The following PCDHA1 variants were observed in gnomAD, a reference collection of about 807,000 sequenced individuals.
The protein encoded by PCDHA1 is protocadherin alpha 1.
A neutral mutation model predicts 61.3 loss-of-function variants in PCDHA1; 42 were observed. The observed-to-expected ratio is 0.69, with a 90% CI of 0.54 to 0.89. The LOEUF (loss-of-function observed/expected upper bound fraction) is 0.89. Among genes scored for constraint, PCDHA1 ranks in the 40% least tolerant of loss-of-function variants. The probability of loss-of-function intolerance (pLI) is 0.00; values close to 1 mark genes in which losing one functional copy is unlikely to be tolerated. For synonymous variants in PCDHA1, 610 were observed against 553.8 expected (o/e 1.10, Z -1.43); for missense variants, 1,256 against 1,235.3 (o/e 1.02, Z -0.25).
intron 1 of PCDHA1, among the ~76,000 whole-genome samples, chr5:140,977,142 T>C (rs781987643): frequency 6.6e-6 from 1 of 152,236 alleles, no homozygotes; most frequent in Non-Finnish European, 1.5e-5. Context: ...TCAGTCCTGC[T>C]GGAACTGTGC....
chr5:140,870,933 G>T, intron 1 of PCDHA1: 1 of 1,613,802 alleles, frequency 6.2e-7, no homozygotes, highest in Non-Finnish European at 8.5e-7. Flanking sequence ...CATATGAATT[G>T]CAGCCGGCGG....
rs543030376 is a variant in PCDHA1, at chr5:140,961,758, G to A, written c.2395-17191G>A. 3.3e-5 allele frequency among the ~76,000 whole-genome samples: 5 copies of A among 152,240 alleles called. No individual in the cohort carries two copies. In the South Asian group the frequency reaches 8.3e-4, roughly 25 times the overall value. On this transcript the variant is annotated intron_variant, in intron 1 of 3. Coordinates refer to ENST00000504120, the MANE Select transcript of PCDHA1 (RefSeq NM_018900.4). ...CTTTAGTAATATTACAGTTTTGAAG[G>A]AATTTATATCAAGCTTAATGGCACT...
chr5:140,955,889 G>A (rs246016), intron 1 of PCDHA1, among the ~76,000 whole-genome samples: 85,633 of 151,918 alleles, frequency 0.56, 24,754 homozygotes, highest in African/African-American at 0.69. Flanking sequence ...ATTCCTAGGT[G>A]TTTTATTCTC....
intron 1 of PCDHA1, chr5:140,803,625 C>G: frequency 6.2e-7 from 1 of 1,613,858 alleles, no homozygotes; most frequent in Non-Finnish European, 8.5e-7. Flanking sequence ...TCCAAAATGT[C>G]TTTGTTTTTC....
chr5:140,878,784 C>T (rs2057723762), intron 1 of PCDHA1, among the ~76,000 whole-genome samples: 1 of 152,156 alleles, frequency 6.6e-6, no homozygotes, highest in Non-Finnish European at 1.5e-5. Flanking sequence ...AGTATATGTT[C>T]AATCACTTTT....
intron 1 of PCDHA1, chr5:140,835,993 C>T: frequency 6.2e-7 from 1 of 1,613,346 alleles, no homozygotes; most frequent in Non-Finnish European, 8.5e-7. Context: ...CAGGTGAGCG[C>T]GCGCGATGCG....
intron 1 of PCDHA1, chr5:140,831,275 T>C (rs2150193117): frequency 5.3e-5 from 8 of 152,198 alleles, no homozygotes; most frequent in Admixed American, 1.3e-4. Flanking sequence ...CACTTGATGG[T>C]CTTCTCTTCA....
chr5:140,791,656 G>A (rs782211844), intron 1 of PCDHA1, among the ~76,000 whole-genome samples: 15 of 152,134 alleles, frequency 9.9e-5, no homozygotes, highest in South Asian at 2.1e-4. Context: ...ACATCTGACC[G>A]TTAAGCAGAT....
At chr5:140,856,568 A>T (rs1554148862) in intron 1 of PCDHA1, 2 of 1,597,928 alleles carry the variant, frequency 1.3e-6, no homozygotes, top group Middle Eastern at 3.3e-4. Flanking sequence ...ACTCAGTCCA[A>T]ATGAGTATTT....
intron 3 of PCDHA1, among the ~76,000 whole-genome samples, chr5:141,001,903 A>G (rs2098043091): frequency 6.6e-6 from 1 of 152,190 alleles, no homozygotes; most frequent in African/African-American, 2.4e-5. Flanking sequence ...GGGCTGTTTG[A>G]AAAAGACTGC....
chr5:140,842,014 A>G (rs2150327358), intron 1 of PCDHA1: 1 of 1,613,836 alleles, frequency 6.2e-7, no homozygotes. Context: ...TGCTGGTCAC[A>G]GTGCTGGATG....
chr5:140,808,939 G>T (rs1168359860), intron 1 of PCDHA1: 2 of 1,613,726 alleles, frequency 1.2e-6, no homozygotes, highest in East Asian at 4.5e-5. Flanking sequence ...TGCCATGGTC[G>T]GTGGGTGTGG....
intron 1 of PCDHA1, chr5:140,829,809 C>A: frequency 1.2e-6 from 2 of 1,613,854 alleles, no homozygotes; most frequent in Non-Finnish European, 1.7e-6. Flanking sequence ...GTGGGTGGTA[C>A]TGGTGGTGCA....
At chr5:140,915,699 C>G (rs1321126272) in intron 1 of PCDHA1, among the ~76,000 whole-genome samples, 1 of 151,944 alleles carries the variant, frequency 6.6e-6, no homozygotes, top group Non-Finnish European at 1.5e-5. Context: ...GTGATGCAAG[C>G]ACTCCTGTGG....
chr5:140,964,586 C>T (rs2095842092), intron 1 of PCDHA1, among the ~76,000 whole-genome samples: 1 of 152,078 alleles, frequency 6.6e-6, no homozygotes, highest in Non-Finnish European at 1.5e-5. Flanking sequence ...GAGGAAAGAT[C>T]ACTTTTCATG....
intron 1 of PCDHA1, chr5:140,870,393 T>C (rs1554164195): frequency 1.5e-5 from 24 of 1,613,936 alleles, no homozygotes; most frequent in Non-Finnish European, 1.8e-5. Flanking sequence ...GGGATGGGGG[T>C]TCGCCTTCTC....
At chr5:140,841,311 G>A (rs1312688051) in intron 1 of PCDHA1, 11 of 1,582,128 alleles carry the variant, frequency 7.0e-6, no homozygotes, top group Non-Finnish European at 8.6e-6. Context: ...GATAGGAAAC[G>A]ACTATTTAAC....
At chr5:140,856,596 A>G in intron 1 of PCDHA1, 1 of 1,597,802 alleles carries the variant, frequency 6.3e-7, no homozygotes, top group Non-Finnish European at 8.6e-7. Flanking sequence ...GATATTATAA[A>G]CAAAAAAGAC....
At chr5:141,000,639 G>A (rs1375900945) in intron 3 of PCDHA1, among the ~76,000 whole-genome samples, 2 of 151,186 alleles carry the variant, frequency 1.3e-5, no homozygotes, top group East Asian at 1.9e-4. Flanking sequence ...TGTTGGGCAG[G>A]CTGGTCTCGA....
Sources: allele counts gnomAD v4.1 joint callset (sites outside exome capture counted in the v4.1 genomes callset), GRCh38; gene constraint gnomAD v4.1.1; transcripts MANE v1.5; gene names NCBI Gene and HGNC (gene_info 2026-07-23, HGNC 2026-07-21).